CERS6: variants seen among roughly 807,000 people sequenced by gnomAD.
CERS6 encodes the protein ceramide synthase 6.
In CERS6, 26 loss-of-function variants were observed where a neutral mutation model predicts 56.8. That is an observed-to-expected ratio of 0.46 (90% CI 0.34 to 0.63). CERS6 has a LOEUF of 0.63. Ranked by LOEUF, CERS6 falls within the 30% of genes least tolerant of loss-of-function variation. The pLI, the probability that CERS6 is intolerant of heterozygous loss-of-function variation, is 0.01. For synonymous variants in CERS6, 164 were observed against 173.3 expected (o/e 0.95, Z 0.42); for missense variants, 415 against 467.5 (o/e 0.89, Z 1.04).
intron 1 of CERS6, among the ~76,000 whole-genome samples, chr2:168,499,815 C>T (rs191983293): frequency 2.0e-5 from 3 of 152,246 alleles, no homozygotes; most frequent in Admixed American, 6.5e-5. Context: ...GCATAAACCC[C>T]GTAACCGGGA....
chr2:168,559,754 T>TATATATATATATCTATATATATA (rs56014027), intron 2 of CERS6, among the ~76,000 whole-genome samples: 1 of 123,908 alleles, frequency 8.1e-6, no homozygotes, highest in Non-Finnish European at 1.8e-5. Flanking sequence ...TATATATATA[T>TATATATATATATCTATATATATA]TTCACCCTTA....
chr2:168,515,328 A>T (rs180737471), intron 1 of CERS6, among the ~76,000 whole-genome samples: 232 of 152,328 alleles, frequency 1.5e-3, no homozygotes, highest in African/African-American at 5.4e-3. Flanking sequence ...CAAGCCCGGC[A>T]TGTAAATTAA....
At chr2:168,682,528 C>T (rs533882986) in intron 4 of CERS6, among the ~76,000 whole-genome samples, 1 of 152,196 alleles carries the variant, frequency 6.6e-6, no homozygotes, top group Non-Finnish European at 1.5e-5. Flanking sequence ...TTTAGCATAG[C>T]GGTAGTGAGC....
chr2:168,535,196 T>A (rs73020588), intron 1 of CERS6, among the ~76,000 whole-genome samples: 1,607 of 152,354 alleles, frequency 0.011, 30 homozygotes, highest in African/African-American at 0.036. Context: ...GGAGCTCATA[T>A]GGCTTAGACA....
At chr2:168,652,676 G>A (rs1685374761) in intron 4 of CERS6, among the ~76,000 whole-genome samples, 1 of 150,314 alleles carries the variant, frequency 6.7e-6, no homozygotes, top group Non-Finnish European at 1.5e-5. Flanking sequence ...TTATTTGCAA[G>A]TAGGAAAAAT....
chr2:168,644,426 G>A, intron 4 of CERS6: 1 of 866,672 alleles, frequency 1.2e-6, no homozygotes, highest in Non-Finnish European at 1.4e-6. Flanking sequence ...CAAAGGTGGG[G>A]TCAAGCATTC....
chr2:168,468,408 T>C (rs1693920540), intron 1 of CERS6, among the ~76,000 whole-genome samples: 1 of 152,236 alleles, frequency 6.6e-6, no homozygotes, highest in African/African-American at 2.4e-5. Context: ...TATATTGACT[T>C]AAGACCTGGG....
intron 1 of CERS6, among the ~76,000 whole-genome samples, chr2:168,458,357 C>G (rs1401357273): frequency 6.6e-6 from 1 of 152,202 alleles, no homozygotes; most frequent in Non-Finnish European, 1.5e-5. Flanking sequence ...CTTCTCTATG[C>G]TGATTCCAGG....
intron 8 of CERS6, among the ~76,000 whole-genome samples, chr2:168,737,874 G>A (rs1683763428): frequency 6.6e-6 from 1 of 152,178 alleles, no homozygotes; most frequent in South Asian, 2.1e-4. Flanking sequence ...GCATCAACAG[G>A]TGAATGTGAA....
chr2:168,465,529 A>C (rs985935338), intron 1 of CERS6, among the ~76,000 whole-genome samples: 1 of 152,258 alleles, frequency 6.6e-6, no homozygotes, highest in South Asian at 2.1e-4. Flanking sequence ...CATTCAGACC[A>C]TAGCAACATA....
chr2:168,738,945 G>C (rs1001593952), intron 8 of CERS6, among the ~76,000 whole-genome samples: 1 of 151,892 alleles, frequency 6.6e-6, no homozygotes, highest in Non-Finnish European at 1.5e-5. Context: ...GAGTGCAGCG[G>C]CACTATCTCG....
intron 3 of CERS6, among the ~76,000 whole-genome samples, chr2:168,586,158 A>G (rs1183933838): frequency 7.3e-6 from 1 of 137,918 alleles, no homozygotes; most frequent in Admixed American, 7.4e-5. Flanking sequence ...TAATTTTTGT[A>G]TTTTTTTTTT....
chr2:168,697,885 G>A (rs890439175), intron 6 of CERS6, among the ~76,000 whole-genome samples: 2 of 152,202 alleles, frequency 1.3e-5, no homozygotes, highest in African/African-American at 4.8e-5. Flanking sequence ...AAGTTACCAA[G>A]TCCCTGCACT....
chr2:168,743,224 G>GTA (rs201390417), intron 8 of CERS6, among the ~76,000 whole-genome samples: 108 of 119,088 alleles, frequency 9.1e-4, no homozygotes, highest in African/African-American at 2.6e-3. Context: ...ATGTGTGTGT[G>GTA]TATATATATA....
intron 1 of CERS6, among the ~76,000 whole-genome samples, chr2:168,524,400 GT>G (rs1695034986): frequency 6.6e-6 from 1 of 152,198 alleles, no homozygotes; most frequent in African/African-American, 2.4e-5. Flanking sequence ...CGTGGTGATT[GT>G]GAAAGGAATG....
At chr2:168,676,216 T>G (rs1686055358) in intron 4 of CERS6, among the ~76,000 whole-genome samples, 1 of 152,238 alleles carries the variant, frequency 6.6e-6, no homozygotes, top group Non-Finnish European at 1.5e-5. Flanking sequence ...TCTTTGATAG[T>G]ATAGCAAAAG....
intron 4 of CERS6, among the ~76,000 whole-genome samples, chr2:168,659,052 A>G (rs1220688279): frequency 1.3e-5 from 2 of 152,244 alleles, no homozygotes; most frequent in East Asian, 3.8e-4. Flanking sequence ...CTCAGCTCTG[A>G]ATGACAAGAA....
intron 3 of CERS6, among the ~76,000 whole-genome samples, chr2:168,571,372 T>C (rs974315751): frequency 3.0e-4 from 46 of 152,072 alleles, no homozygotes; most frequent in Non-Finnish European, 5.0e-4. Context: ...CTATTTGTCC[T>C]GAAACTTGGC....
intron 3 of CERS6, among the ~76,000 whole-genome samples, chr2:168,570,516 G>C (rs1695966456): frequency 6.6e-6 from 1 of 152,270 alleles, no homozygotes; most frequent in East Asian, 1.9e-4. Flanking sequence ...AACAAAGCCT[G>C]GTCCTCTGTG....
Sources: gnomAD v4.1 joint callset for allele counts (sites outside exome capture counted in the v4.1 genomes callset) on GRCh38, gnomAD v4.1.1 for gene constraint, MANE v1.5 for transcripts, NCBI Gene and HGNC (gene_info 2026-07-23, HGNC 2026-07-21) for gene names.